IGF2BP2: variants seen among roughly 807,000 people sequenced by gnomAD.
IGF2BP2 encodes insulin-like growth factor 2 mRNA-binding protein 2.
A neutral mutation model predicts 75.8 loss-of-function variants in IGF2BP2; 17 were observed. The observed-to-expected ratio is 0.22, with a 90% CI of 0.15 to 0.34. IGF2BP2 has a LOEUF of 0.34. Among genes scored for constraint, IGF2BP2 ranks in the 10% least tolerant of loss-of-function variants. The pLI is 1.00. For missense variants in IGF2BP2, 516 were observed against 772.4 expected (o/e 0.67, Z 3.93); for synonymous variants, 288 against 295.6 (o/e 0.97, Z 0.26).
chr3:185,698,197 G>A lies in IGF2BP2; in HGVS notation c.288+102C>T, dbSNP rs577651775. ...GAAAAGAAAGAGGCAGGACCCAGAA[G>A]CTTTGTGGGAAACACTGAGGCCCTC... On this transcript the variant is annotated intron_variant, in intron 3 of 15. Transcript: ENST00000382199. 95 of 982,754 alleles carry A rather than the reference G, an allele frequency of 9.7e-5. No homozygotes were observed. In the African/African-American group the frequency reaches 1.4e-3, roughly 14 times the overall value. The allele number at this position is 982,754 out of a possible 1,614,324, so 60.9% of individuals were successfully genotyped here. A position where few individuals can be genotyped will look rare whatever the true frequency, so the allele number is the denominator to read the frequency against.
intron 2 of IGF2BP2, among the ~76,000 whole-genome samples, chr3:185,810,673 C>G (rs1739675703): frequency 6.6e-6 from 1 of 151,870 alleles, no homozygotes; most frequent in African/African-American, 2.4e-5. Flanking sequence ...ACTCAGGAGG[C>G]TGAGGCAGGA....
intron 2 of IGF2BP2, among the ~76,000 whole-genome samples, chr3:185,797,080 T>C (rs1282580631): frequency 6.6e-6 from 1 of 152,126 alleles, no homozygotes; most frequent in African/African-American, 2.4e-5. Flanking sequence ...TATTTCTGCT[T>C]AGGTATCTAC....
intron 2 of IGF2BP2, chr3:185,820,897 GA>G: frequency 3.0e-6 from 3 of 992,228 alleles, no homozygotes; most frequent in Non-Finnish European, 4.4e-6. Context: ...ATATAGAATT[GA>G]CTTAACACTG....
chr3:185,766,289 TTTTAAA>T (rs1269575230), intron 2 of IGF2BP2, among the ~76,000 whole-genome samples: 2 of 152,186 alleles, frequency 1.3e-5, no homozygotes, highest in African/African-American at 4.8e-5. Flanking sequence ...ATTTAAAATA[TTTTAAA>T]TTTAAATTTA....
In IGF2BP2 at chr3:185,658,403, A is replaced by C. The variant is rs780570432; in HGVS notation, c.1207T>G (p.Ser403Ala). 1 of 1,613,850 alleles carries C rather than the reference A, an allele frequency of 6.2e-7. No homozygotes were observed. Among genetic ancestry groups the C allele is most frequent in the South Asian group, 1.1e-5 (1 of 91,054 alleles). ...GGGTACAGGCTGGAGAAGTATCCGGAGTGGGTCTGCAGCATGAGAGAAAGA... is the reference window on the plus strand; with the variant it reads ...GGGTACAGGCTGGAGAAGTATCCGGCGTGGGTCTGCAGCATGAGAGAAAGA... ...AAPYHPFTTHSGYFSSLYPHH... is the reference protein window; with the variant it reads ...AAPYHPFTTHAGYFSSLYPHH... Residue 403 changes from serine to alanine, a missense_variant, in exon 11 of 16, where the codon TCC becomes GCC. Physicochemically the swap from Ser to Ala is moderately conservative, Grantham distance 99. Coordinates refer to ENST00000382199, the MANE Select transcript of IGF2BP2 (RefSeq NM_006548.6).
intron 7 of IGF2BP2, 31 bp downstream of exon 7, chr3:185,687,026 T>G: frequency 6.2e-7 from 1 of 1,603,054 alleles, no homozygotes; most frequent in Admixed American, 1.8e-5. Context: ...TTTTCTCTGT[T>G]GAGTGATCTG....
intron 15 of IGF2BP2, 150 bp downstream of exon 15, chr3:185,646,875 A>T: frequency 1.6e-6 from 1 of 637,716 alleles, no homozygotes; most frequent in Non-Finnish European, 2.8e-6. Context: ...CCCGGGGGCC[A>T]TCCCTAAAGA....
At chr3:185,715,470 CACTA>C (rs1465529038) in intron 2 of IGF2BP2, among the ~76,000 whole-genome samples, 1 of 152,166 alleles carries the variant, frequency 6.6e-6, no homozygotes, top group African/African-American at 2.4e-5. Context: ...CAGCCAGCAG[CACTA>C]ACTTTCTTCT....
chr3:185,706,737 CCTT>C (rs577620523), intron 2 of IGF2BP2, among the ~76,000 whole-genome samples: 139 of 151,376 alleles, frequency 9.2e-4, no homozygotes, highest in African/African-American at 3.0e-3. Context: ...CTCAGAGATT[CCTT>C]CTTTTTTTTT....
intron 2 of IGF2BP2, among the ~76,000 whole-genome samples, chr3:185,776,675 G>A (rs541872779): frequency 3.3e-5 from 5 of 152,186 alleles, no homozygotes; most frequent in Non-Finnish European, 5.9e-5. Flanking sequence ...CACAGCAGGG[G>A]TGTCATGGGA....
At chr3:185,687,220 T>C (rs993956712) in intron 6 of IGF2BP2, 29 bp from the exon 7 acceptor site, 3 of 1,590,958 alleles carry the variant, frequency 1.9e-6, no homozygotes, top group Non-Finnish European at 2.6e-6. Context: ...GAGCCATGAT[T>C]ACAAGGTCAT....
chr3:185,677,068 T>TATATATAGAGAGAGAGAGAGAG, intron 7 of IGF2BP2, among the ~76,000 whole-genome samples: 5 of 35,856 alleles, frequency 1.4e-4, no homozygotes, highest in African/African-American at 3.1e-4. Context: ...TATATATATA[T>TATATATAGAGAGAGAGAGAGAG]AGAGAGAGAG....
intron 2 of IGF2BP2, among the ~76,000 whole-genome samples, chr3:185,723,127 TA>T (rs1321723321): frequency 6.6e-6 from 1 of 152,256 alleles, no homozygotes; most frequent in Non-Finnish European, 1.5e-5. Flanking sequence ...TGCTGAGGTT[TA>T]TGTGGGAAGT....
In IGF2BP2 at chr3:185,643,153, G is replaced by A. The variant is rs1278450312; in HGVS notation, c.*2378C>T. On this transcript the variant is annotated 3_prime_UTR_variant, in exon 16 of 16. Transcript: ENST00000382199. ...TAAAACGTGTATGACTCATTTTATT[G>A]CAAAGTTCGCTTTACTGTGGTGGTC... 6.6e-6 allele frequency among the ~76,000 whole-genome samples: 1 copy of A among 152,026 alleles called. No individual in the cohort carries two copies. Among genetic ancestry groups the A allele is most frequent in the Non-Finnish European group, 1.5e-5 (1 of 68,006 alleles).
chr3:185,717,080 A>C, intron 2 of IGF2BP2: 1 of 272,716 alleles, frequency 3.7e-6, no homozygotes, highest in Non-Finnish European at 7.3e-6. Context: ...TGGTCATTTC[A>C]GATCATCTGA....
At chr3:185,684,986 C>T (rs1055673703) in intron 7 of IGF2BP2, among the ~76,000 whole-genome samples, 2 of 151,928 alleles carry the variant, frequency 1.3e-5, no homozygotes, top group Non-Finnish European at 2.9e-5. Flanking sequence ...ACATAAAAGC[C>T]CAAGTTGTAA....
At chr3:185,780,884 G>A (rs563070811) in intron 2 of IGF2BP2, among the ~76,000 whole-genome samples, 3 of 152,266 alleles carry the variant, frequency 2.0e-5, no homozygotes, top group Non-Finnish European at 2.9e-5. Flanking sequence ...AAGTGGCAAA[G>A]CTAGACCTTG....
At chr3:185,769,052 T>C (rs1733502047) in intron 2 of IGF2BP2, among the ~76,000 whole-genome samples, 1 of 149,512 alleles carries the variant, frequency 6.7e-6, no homozygotes, top group African/African-American at 2.5e-5. Context: ...AAAAAAAAGG[T>C]TGAACCTGGG....
At chr3:185,673,005 C>T (rs1364105228) in intron 9 of IGF2BP2, among the ~76,000 whole-genome samples, 3 of 152,212 alleles carry the variant, frequency 2.0e-5, no homozygotes, top group Non-Finnish European at 2.9e-5. Context: ...AGCCCCTTCA[C>T]ATGCTATTTA....
Sources: gnomAD v4.1 joint callset for allele counts (sites outside exome capture counted in the v4.1 genomes callset) on GRCh38, gnomAD v4.1.1 for gene constraint, MANE v1.5 for transcripts, NCBI Gene and HGNC (gene_info 2026-07-23, HGNC 2026-07-21) for gene names.